The following FNBP1 variants were observed in gnomAD, a reference collection of about 807,000 sequenced individuals.
The protein encoded by FNBP1 is formin-binding protein 1.
FNBP1 carries 26 observed loss-of-function variants against 90.6 expected under a neutral mutation model. The observed-to-expected ratio is 0.29, with a 90% confidence interval of 0.21 to 0.40. The LOEUF is 0.40. FNBP1 is among the 10% of genes least tolerant of loss of function. The pLI, the probability that FNBP1 is intolerant of heterozygous loss-of-function variation, is 1.00. For synonymous variants in FNBP1, 260 were observed against 265.2 expected, an observed-to-expected ratio of 0.98 and a Z score of 0.19; for missense variants, 635 against 768.0, an observed-to-expected ratio of 0.83 and a Z score of 2.05.
chr9:130,029,466 A>G (rs997424644), intron 1 of FNBP1, among the ~76,000 whole-genome samples: 1 of 152,214 alleles, frequency 6.6e-6, no homozygotes, highest in Non-Finnish European at 1.5e-5. Flanking sequence ...GGGTACCTGA[A>G]TAAGTCATTA....
chr9:130,043,661 G>A (rs2060014461), upstream of FNBP1, among the ~76,000 whole-genome samples: 1 of 152,250 alleles, frequency 6.6e-6, no homozygotes. Context: ...GGCGCGGTGG[G>A]AGTGGGGCGG....
At chr9:129,934,274 G>A (rs2043134651) in intron 6 of FNBP1, among the ~76,000 whole-genome samples, 1 of 152,158 alleles carries the variant, frequency 6.6e-6, no homozygotes, top group Non-Finnish European at 1.5e-5. Flanking sequence ...TGAGAATAAA[G>A]ACACTGCATC....
intron 1 of FNBP1, among the ~76,000 whole-genome samples, chr9:130,038,393 G>A (rs1385016390): frequency 2.1e-5 from 3 of 146,184 alleles, no homozygotes; most frequent in Middle Eastern, 3.8e-3. Context: ...ATCAACACAG[G>A]TGGCTCTTTT....
intron 1 of FNBP1, among the ~76,000 whole-genome samples, chr9:130,008,595 T>C (rs1053327685): frequency 2.0e-5 from 3 of 152,186 alleles, no homozygotes; most frequent in African/African-American, 7.2e-5. Flanking sequence ...CTCCATTTTA[T>C]TGTAAGCAAG....
chr9:129,997,722 G>GC (rs1217671233), intron 1 of FNBP1, among the ~76,000 whole-genome samples: 2 of 152,118 alleles, frequency 1.3e-5, no homozygotes, highest in African/African-American at 4.8e-5. Flanking sequence ...TGGCACACAT[G>GC]CCTGTAGCCC....
intron 2 of FNBP1, 83 bp downstream of exon 2, chr9:129,994,760 A>C (rs574636769): frequency 1.8e-6 from 1 of 562,100 alleles, no homozygotes; most frequent in East Asian, 3.1e-5. Flanking sequence ...TTTAAAATAT[A>C]CATTTATACT....
intron 11 of FNBP1, 148 bp from the exon 12 acceptor site, chr9:129,909,147 G>A (rs559998363): frequency 1.5e-5 from 10 of 678,524 alleles, no homozygotes; most frequent in African/African-American, 7.2e-5. Context: ...ACACCCAGCC[G>A]AGATGCAAAA....
In FNBP1 at chr9:130,003,623, C is replaced by A. The variant is rs1169065153; in HGVS notation, c.25-8665G>T. On this transcript the variant is annotated intron_variant, in intron 1 of 16. Coordinates refer to ENST00000446176, the MANE Select transcript of FNBP1 (RefSeq NM_015033.3). ...CTCTGTCTCAAAAAACAAACAAAAA[C>A]TAACAAAAAAGTAGTCTTGGCCAGG... Among the ~76,000 whole-genome samples, 3 of 142,052 alleles carry A rather than the reference C, an allele frequency of 2.1e-5. No individual in the cohort carries two copies. In the East Asian group the frequency reaches 6.5e-4, roughly 31 times the overall value. 93.2% of individuals were successfully genotyped at this position (142,052 alleles called of 152,430 possible).
intron 10 of FNBP1, among the ~76,000 whole-genome samples, chr9:129,921,746 C>T (rs545131725): frequency 1.0e-3 from 153 of 152,180 alleles, no homozygotes; most frequent in Non-Finnish European, 1.9e-3. Context: ...TGTGGAAATA[C>T]GATTGTCAGG....
At chr9:130,036,246 T>G (rs1439024153) in intron 1 of FNBP1, among the ~76,000 whole-genome samples, 1 of 152,184 alleles carries the variant, frequency 6.6e-6, no homozygotes, top group Non-Finnish European at 1.5e-5. Context: ...GTGGGTGGTG[T>G]TGATGAAACA....
intron 2 of FNBP1, among the ~76,000 whole-genome samples, chr9:129,988,977 T>C (rs1160883415): frequency 2.6e-5 from 4 of 152,242 alleles, no homozygotes; most frequent in African/African-American, 9.6e-5. Flanking sequence ...AACATCATAT[T>C]ACTATTTCAA....
At chr9:129,914,972 T>C (rs1310118085) in intron 11 of FNBP1, 2 of 403,276 alleles carry the variant, frequency 5.0e-6, no homozygotes, top group Non-Finnish European at 1.0e-5. Context: ...GTTATGTTAG[T>C]TACTTTTAAT....
At chr9:130,014,940 C>A (rs2057067574) in intron 1 of FNBP1, among the ~76,000 whole-genome samples, 3 of 146,832 alleles carry the variant, frequency 2.0e-5, no homozygotes, top group Admixed American at 6.8e-5. Context: ...TGATTGATTG[C>A]AAAAAAGACT....
At chr9:130,015,424 T>A (rs188979204) in intron 1 of FNBP1, among the ~76,000 whole-genome samples, 1 of 152,240 alleles carries the variant, frequency 6.6e-6, no homozygotes, top group African/African-American at 2.4e-5. Context: ...ATAAAACTAT[T>A]TAACAATCCA....
chr9:130,053,206 T>A, the FNBP1 span, among the ~76,000 whole-genome samples: 25 of 152,090 alleles, frequency 1.6e-4, no homozygotes, highest in East Asian at 4.8e-3. Context: ...AGACTTGGGG[T>A]TGGATGAAAT....
chr9:129,974,369 T>A (rs539306593), intron 4 of FNBP1, among the ~76,000 whole-genome samples: 1 of 151,914 alleles, frequency 6.6e-6, no homozygotes, highest in Non-Finnish European at 1.5e-5. Context: ...GCAGTCCCCA[T>A]TGAGGTTAGC....
At chr9:129,952,948 A>G (rs1249809919) in intron 6 of FNBP1, among the ~76,000 whole-genome samples, 1 of 152,226 alleles carries the variant, frequency 6.6e-6, no homozygotes, top group African/African-American at 2.4e-5. Context: ...AAATTAAGAC[A>G]TAAGGATGTT....
chr9:129,920,199 G>C (rs2040874861), intron 10 of FNBP1, among the ~76,000 whole-genome samples: 1 of 152,158 alleles, frequency 6.6e-6, no homozygotes, highest in East Asian at 1.9e-4. Flanking sequence ...GCACACGTTT[G>C]AGGAGTAAGA....
intron 10 of FNBP1, among the ~76,000 whole-genome samples, chr9:129,916,875 C>G (rs922086250): frequency 6.6e-6 from 1 of 152,174 alleles, no homozygotes; most frequent in Non-Finnish European, 1.5e-5. Context: ...GAATGCCTCT[C>G]GCAGCCAGGC....
Sources: allele counts gnomAD v4.1 joint callset (sites outside exome capture counted in the v4.1 genomes callset), GRCh38; gene constraint gnomAD v4.1.1; transcripts MANE v1.5; gene names NCBI Gene and HGNC (gene_info 2026-07-23, HGNC 2026-07-21).